CRX: variants seen among roughly 807,000 people sequenced by gnomAD.
CRX encodes cone-rod homeobox.
A neutral mutation model predicts 13.1 loss-of-function variants in CRX; 5 were observed. The ratio of observed to expected loss-of-function variants is 0.38; its 90% confidence interval spans 0.20 to 0.80. The LOEUF (loss-of-function observed/expected upper bound fraction) is 0.80. CRX is among the 30% of genes least tolerant of loss of function. The pLI is 0.43. For synonymous variants in CRX, 179 were observed against 171.1 expected (o/e 1.05, Z -0.36); for missense variants, 351 against 391.8 (o/e 0.90, Z 0.88).
chr19:47,830,370 G>T (rs534930741), intron 1 of CRX, among the ~76,000 whole-genome samples: 6 of 152,052 alleles, frequency 3.9e-5, no homozygotes, highest in African/African-American at 1.2e-4. Context: ...ACAGGTCAAA[G>T]ATTTATTTAA....
rs1375933205 is a variant in CRX, at chr19:47,835,548, C to T, written c.101-695C>T. On this transcript the variant is annotated intron_variant, in intron 2 of 3. Coordinates refer to ENST00000221996, the MANE Select transcript of CRX (RefSeq NM_000554.6). The stretch of plus-strand genomic sequence containing the variant: ...TACAGGCGCACACCACCATGCCCGG[C>T]CAATTTTTGTAAAGCCTTATTTTTA... 4.0e-5 allele frequency among the ~76,000 whole-genome samples: 6 copies of T among 151,308 alleles called. No homozygotes were observed. In the South Asian group the frequency reaches 1.3e-3, roughly 32 times the overall value.
At chr19:47,829,649 A>G (rs1202492437) in intron 1 of CRX, among the ~76,000 whole-genome samples, 1 of 151,626 alleles carries the variant, frequency 6.6e-6, no homozygotes, top group African/African-American at 2.4e-5. Flanking sequence ...GTTATTATTG[A>G]GACAAGGTCT....
rs966034953 is a variant in CRX, at chr19:47,841,812, C to G, written c.*1845C>G. 1 of 151,008 alleles carries G rather than the reference C, an allele frequency of 6.6e-6. No individual in the cohort carries two copies. Among genetic ancestry groups the G allele is most frequent in the African/African-American group, 2.4e-5 (1 of 40,998 alleles). The allele number at this position is 151,008 out of a possible 1,614,324, so 9.4% of individuals were successfully genotyped here. On this transcript the variant is annotated 3_prime_UTR_variant, in exon 4 of 4. Transcript: ENST00000221996. ...CTCCTTTCATTTTTGGGTGGGGAGG[C>G]GGGTTCCAAGAGCCCTTCATTGGTG...
At chr19:47,832,130 G>C (rs1968057449) in intron 1 of CRX, among the ~76,000 whole-genome samples, 1 of 36,648 alleles carries the variant, frequency 2.7e-5, no homozygotes, top group African/African-American at 8.8e-5. Flanking sequence ...TTTTGAGACG[G>C]AGTCTCGCTC....
At position 47,840,051 on chromosome 19, in the gene CRX, T is replaced by G; in HGVS notation, c.*84T>G. On this transcript the variant is annotated 3_prime_UTR_variant, in exon 4 of 4. Coordinates refer to ENST00000221996, the MANE Select transcript of CRX (RefSeq NM_000554.6). ...CTTCCCTGCAGTTTAGATCCCGGGA[T>G]GGCATTCCTGAGAAAGCAACCCGAA... is the stretch of plus-strand genomic sequence containing the variant. The G allele has an allele frequency of 2.3e-5, 35 of 1,504,916 alleles. No homozygotes were observed. The highest frequency in any genetic ancestry group is 3.4e-5 in the South Asian group (3 of 87,838). The allele number at this position is 1,504,916 out of a possible 1,614,324, so 93.2% of individuals were successfully genotyped here. A position where few individuals can be genotyped will look rare whatever the true frequency, so the allele number is the denominator to read the frequency against.
chr19:47,827,963 G>A lies in CRX; in HGVS notation c.-36+5953G>A, dbSNP rs1269768567. ...GAGGTCAGGAGTTCGAGACCAGCCT[G>A]GCCAACATGGTGAAACCCCATCTCT... is the stretch of plus-strand genomic sequence containing the variant. On this transcript the variant is annotated intron_variant, in intron 1 of 3. Coordinates refer to ENST00000221996, the MANE Select transcript of CRX (RefSeq NM_000554.6). Among the ~76,000 whole-genome samples the A allele has an allele frequency of 1.4e-5, 2 of 145,086 alleles. 1 individual carries two copies. Among genetic ancestry groups the A allele is most frequent in the Non-Finnish European group, 3.0e-5 (2 of 66,628 alleles).
chr19:47,834,484 A>G lies in CRX; in HGVS notation c.41A>G (p.Asn14Ser), dbSNP rs777613986. The G allele has an allele frequency of 1.9e-6, 3 of 1,613,910 alleles. No individual in the cohort carries two copies. Among genetic ancestry groups the G allele is most frequent in the Non-Finnish European group, 2.5e-6 (3 of 1,180,008 alleles). ...AACCCGGGGCCCCACTATTCTGTCA[A>G]CGCCTTGGCCCTAAGTGGCCCCAGT... ...YMNPGPHYSV[N>S]ALALSGPSVD... The change falls in exon 2 of 4, where the codon AAC (asparagine) becomes AGC (serine). Residue 14 changes from asparagine to serine, a missense_variant. Asn to Ser is a conservative substitution (Grantham distance 46). Transcript: ENST00000221996.
At chr19:47,833,718 C>T (rs531701675) in intron 1 of CRX, among the ~76,000 whole-genome samples, 10 of 152,302 alleles carry the variant, frequency 6.6e-5, no homozygotes, top group South Asian at 2.1e-4. Flanking sequence ...CAAAGAGGGA[C>T]GGTTGGTCAA....
At chr19:47,833,276 T>G (rs1197100100) in intron 1 of CRX, among the ~76,000 whole-genome samples, 2 of 150,432 alleles carry the variant, frequency 1.3e-5, no homozygotes, top group African/African-American at 2.4e-5. Context: ...TTTTTGTTTT[T>G]TTGTTTTGTT....
Position 47,839,678 on chromosome 19 carries a change from C to T in CRX, c.611C>T (p.Ser204Phe). ...GCCCCGGCCTCCGCTTTCTGCTCTT[C>T]CCCCTCCGCCTATGGGTCTCCGAGC... ...TYAPASAFCS[S>F]PSAYGSPSSY... is the part of the protein sequence containing the mutation. Residue 204 changes from serine to phenylalanine, a missense_variant, in exon 4 of 4, where the codon TCC (serine) becomes TTC (phenylalanine). Ser to Phe is a radical substitution (Grantham distance 155, BLOSUM62 -2). This residue lies in a region of CRX where 253 missense variants were observed against 268.3 expected (regional missense o/e 0.94). Coordinates refer to ENST00000221996, the MANE Select transcript of CRX (RefSeq NM_000554.6). The surrounding 1 kb of genome is among the most constrained non-coding windows in gnomAD (Gnocchi z 4.6). The T allele has an allele frequency of 6.2e-7, 1 of 1,613,804 alleles. No individual in the cohort carries two copies. The highest frequency in any genetic ancestry group is 8.5e-7 in the Non-Finnish European group (1 of 1,180,006).
chr19:47,824,282 C>T, intron 1 of CRX, among the ~76,000 whole-genome samples: 1 of 152,202 alleles, frequency 6.6e-6, no homozygotes, highest in African/African-American at 2.4e-5. Flanking sequence ...GTTTCCTCCT[C>T]TGAGAAAGGG....
At chr19:47,833,424 G>A (rs1380231085) in intron 1 of CRX, among the ~76,000 whole-genome samples, 2 of 151,940 alleles carry the variant, frequency 1.3e-5, no homozygotes, top group African/African-American at 4.8e-5. Flanking sequence ...TGGGATTACA[G>A]GCACCCGCCA....
chr19:47,835,456 C>T (rs1968105762), intron 2 of CRX, among the ~76,000 whole-genome samples: 1 of 151,794 alleles, frequency 6.6e-6, no homozygotes, highest in Non-Finnish European at 1.5e-5. Context: ...GCGATCTTGG[C>T]TCTTTGCAAC....
rs988968264 is a variant in CRX, at chr19:47,843,210, G to T, written c.*3243G>T. 1 of 152,310 alleles carries T rather than the reference G, an allele frequency of 6.6e-6. No homozygotes were observed. The highest frequency in any genetic ancestry group is 2.4e-5 in the African/African-American group (1 of 41,442). The allele number at this position is 152,310 out of a possible 1,614,324, so 9.4% of individuals were successfully genotyped here. ...GGTGGGGACAGAAGGAAGAAGCCAG[G>T]AGCCTCCCTGAGAAGGTGTCACCTT... On this transcript the variant is annotated 3_prime_UTR_variant, in exon 4 of 4. Coordinates refer to ENST00000221996, the MANE Select transcript of CRX (RefSeq NM_000554.6).
intron 1 of CRX, among the ~76,000 whole-genome samples, chr19:47,833,561 C>T (rs141638825): frequency 7.9e-5 from 12 of 150,998 alleles, no homozygotes; most frequent in African/African-American, 1.5e-4. Context: ...GGATTACAGG[C>T]GTGAGCCACC....
chr19:47,823,934 G>A (rs1325190627), intron 1 of CRX, among the ~76,000 whole-genome samples: 2 of 152,200 alleles, frequency 1.3e-5, no homozygotes. Flanking sequence ...ACAGGCGTGA[G>A]CCACCACACC....
intron 1 of CRX, among the ~76,000 whole-genome samples, chr19:47,827,537 C>CTTTTTTTTTTT (rs71180887): frequency 6.6e-5 from 6 of 90,384 alleles, no homozygotes; most frequent in Admixed American, 2.8e-4. Flanking sequence ...TTTCTGAAGG[C>CTTTTTTTTTTT]TTTTTTTTTT....
intron 3 of CRX, among the ~76,000 whole-genome samples, chr19:47,838,746 G>A (rs12971523): frequency 0.17 from 26,299 of 151,044 alleles, 2,507 homozygotes; most frequent in Non-Finnish European, 0.22. Flanking sequence ...GGATGAATAT[G>A]TGTATGATGT....
In CRX at chr19:47,839,265, C is replaced by T. The variant is rs1338922656; in HGVS notation, c.253-55C>T. ...GTCCTCATCCCCGGGCACCCTGCGG[C>T]TCTCCTGGGCCTCTTCCCCACTTAC... On this transcript the variant is annotated intron_variant, in intron 3 of 3. Transcript: ENST00000221996. The surrounding 1 kb of genome is among the most constrained non-coding windows in gnomAD (Gnocchi z 4.6). The T allele has an allele frequency of 6.4e-7, 1 of 1,571,544 alleles. No individual in the cohort carries two copies. Among genetic ancestry groups the T allele is most frequent in the Non-Finnish European group, 8.6e-7 (1 of 1,158,220 alleles).
Sources: allele counts gnomAD v4.1 joint callset (sites outside exome capture counted in the v4.1 genomes callset), GRCh38; gene constraint gnomAD v4.1.1; regional missense constraint gnomAD v4.1.1; non-coding constraint Gnocchi (gnomAD v3.1); transcripts MANE v1.5; gene names NCBI Gene and HGNC (gene_info 2026-07-23, HGNC 2026-07-21).